LGI4: variants seen among roughly 807,000 people sequenced by gnomAD.
The protein encoded by LGI4 is leucine rich repeat LGI family member 4.
A neutral mutation model predicts 48.3 loss-of-function variants in LGI4; 36 were observed. The observed-to-expected ratio is 0.75, with a 90% CI of 0.57 to 0.98. The LOEUF is 0.98. Ranked by LOEUF, LGI4 falls within the 50% of genes least tolerant of loss-of-function variation. The pLI is 0.00. For synonymous variants in LGI4, 355 were observed against 331.6 expected, an observed-to-expected ratio of 1.07 and a Z score of -0.77; for missense variants, 701 against 732.1, an observed-to-expected ratio of 0.96 and a Z score of 0.49.
chr19:35,127,926 G>T (rs1477910900), intron 6 of LGI4, among the ~76,000 whole-genome samples: 1 of 152,236 alleles, frequency 6.6e-6, no homozygotes, highest in African/African-American at 2.4e-5. Flanking sequence ...GCTAGAGGCT[G>T]CATTATCCCG....
chr19:35,126,846 G>C lies in LGI4; in HGVS notation c.793+7C>G. On this transcript the variant is annotated splice_region_variant and intron_variant, in intron 7 of 8. Transcript: ENST00000310123. Reference sequence around the variant, plus strand: ...TGGACAGGCAGAAGGACGGGGAGGGGGCTCACCGGGCAGCTCTTCCTCGGG... The same window carrying C: ...TGGACAGGCAGAAGGACGGGGAGGGCGCTCACCGGGCAGCTCTTCCTCGGG... 2 of 1,608,478 alleles carry C rather than the reference G, an allele frequency of 1.2e-6. No individual in the cohort carries two copies. The highest frequency in any genetic ancestry group is 2.2e-5 in the East Asian group (1 of 44,768).
At chr19:35,127,666 G>A (rs911644018) in intron 6 of LGI4, among the ~76,000 whole-genome samples, 9 of 152,190 alleles carry the variant, frequency 5.9e-5, no homozygotes, top group African/African-American at 1.9e-4. Flanking sequence ...GATTACAAGC[G>A]TGAGGCACCG....
At position 35,131,566 on chromosome 19, in the gene LGI4, A is replaced by G; in HGVS notation, c.459-11T>C. On this transcript the variant is annotated splice_polypyrimidine_tract_variant and intron_variant, in intron 5 of 8. Coordinates refer to ENST00000310123, the MANE Select transcript of LGI4 (RefSeq NM_139284.3). ...TTCCCGCGGAGGTCCCTGGGGCAAG[A>G]GGCCAGGGAGGGGCTGCGACCCGGC... 1 of 1,547,766 alleles carries G rather than the reference A, an allele frequency of 6.5e-7. No homozygotes were observed. The highest frequency in any genetic ancestry group is 8.7e-7 in the Non-Finnish European group (1 of 1,145,324).
In LGI4 at chr19:35,127,114, A is replaced by G. The variant is rs1347341224; in HGVS notation, c.629-97T>C. 5.6e-6 allele frequency: 7 copies of G among 1,258,134 alleles called. No individual in the cohort carries two copies. In the East Asian group the frequency reaches 7.2e-5, roughly 13 times the overall value. The allele number at this position is 1,258,134 out of a possible 1,614,324, so 77.9% of individuals were successfully genotyped here. On this transcript the variant is annotated intron_variant, in intron 6 of 8. Coordinates refer to ENST00000310123, the MANE Select transcript of LGI4 (RefSeq NM_139284.3). ...TACATCTCTGAAATGGAGGCCATTC[A>G]TGGTACCCCCCTCATAGGGACATAT...
chr19:35,125,021 C>T lies in LGI4; in HGVS notation c.*172G>A, dbSNP rs1030028204. The T allele has an allele frequency of 3.8e-5, 19 of 495,728 alleles. No homozygotes were observed. The highest frequency in any genetic ancestry group is 6.1e-5 in the Non-Finnish European group (18 of 294,480). The allele number at this position is 495,728 out of a possible 1,614,324, so 30.7% of individuals were successfully genotyped here. ...TCCAGTAGGCTGGGACCCTCTATGT[C>T]CCCCCATGGGTGCAGATCCTTTAAG... On this transcript the variant is annotated 3_prime_UTR_variant, in exon 9 of 9. Transcript: ENST00000310123.
intron 6 of LGI4, among the ~76,000 whole-genome samples, chr19:35,130,409 G>C (rs1187955241): frequency 6.6e-6 from 1 of 152,190 alleles, no homozygotes; most frequent in Non-Finnish European, 1.5e-5. Flanking sequence ...CTGTGGCCGG[G>C]TGTGGTGGCA....
rs756378758 is a variant in LGI4 at position 35,126,868 on chromosome 19, C to T, written c.778G>A (p.Glu260Lys). 6.8e-6 allele frequency: 11 copies of T among 1,611,800 alleles called. No individual in the cohort carries two copies. The highest frequency in any genetic ancestry group is 6.6e-5 in the South Asian group (6 of 91,064). ...GGGGGCTCACCGGGCAGCTCTTCCT[C>T]GGGCCGGAAGCGCTGCAGGCTGTAG... ...WDYSLQRFRP[E>K]EELPAASVVS... Residue 260 changes from glutamate to lysine, a missense_variant, in exon 7 of 9, where the codon GAG becomes AAG. Coordinates refer to ENST00000310123, the MANE Select transcript of LGI4 (RefSeq NM_139284.3).
chr19:35,125,026 C>A lies in LGI4; in HGVS notation c.*167G>T. ...TAGGCTGGGACCCTCTATGTCCCCC[C>A]ATGGGTGCAGATCCTTTAAGAAGTG... On this transcript the variant is annotated 3_prime_UTR_variant, in exon 9 of 9. Coordinates refer to ENST00000310123, the MANE Select transcript of LGI4 (RefSeq NM_139284.3). 1 of 515,260 alleles carries A rather than the reference C, an allele frequency of 1.9e-6. No homozygotes were observed. Among genetic ancestry groups the A allele is most frequent in the Non-Finnish European group, 3.2e-6 (1 of 308,672 alleles). 31.9% of individuals were successfully genotyped at this position (515,260 alleles called of 1,614,324 possible). A position where few individuals can be genotyped will look rare whatever the true frequency, so the allele number is the denominator to read the frequency against.
chr19:35,134,805 C>A lies in LGI4; in HGVS notation c.-125G>T. ...GCTGGCACGCTCGGCCCTGGCTTCTCTCTCCTCTTCTCCGTCTTTCTTTCA... is the reference window on the plus strand; with the variant it reads ...GCTGGCACGCTCGGCCCTGGCTTCTATCTCCTCTTCTCCGTCTTTCTTTCA... On this transcript the variant is annotated 5_prime_UTR_variant, in exon 1 of 9. Coordinates refer to ENST00000310123, the MANE Select transcript of LGI4 (RefSeq NM_139284.3). The A allele has an allele frequency of 1.7e-6, 1 of 574,358 alleles. No individual in the cohort carries two copies. The highest frequency in any genetic ancestry group is 3.1e-6 in the Non-Finnish European group (1 of 327,562). 35.6% of individuals were successfully genotyped at this position (574,358 alleles called of 1,614,324 possible).
Position 35,131,959 on chromosome 19 carries a change from G to A in LGI4, c.386+12C>T, listed in dbSNP as rs2065178901. The A allele has an allele frequency of 6.3e-7, 1 of 1,585,246 alleles. No homozygotes were observed. Among genetic ancestry groups the A allele is most frequent in the Non-Finnish European group, 8.6e-7 (1 of 1,165,202 alleles). On this transcript the variant is annotated intron_variant, in intron 4 of 8. Transcript: ENST00000310123. ...GCCTCTCATGGAGGGCTGGGGCGGTGGAGGCACGCACAGGTGTGTAAGCGA... is the reference window on the plus strand; with the variant it reads ...GCCTCTCATGGAGGGCTGGGGCGGTAGAGGCACGCACAGGTGTGTAAGCGA...
chr19:35,125,732 C>G (rs750954513), intron 8 of LGI4: 2 of 694,430 alleles, frequency 2.9e-6, no homozygotes, highest in Non-Finnish European at 5.3e-6. Flanking sequence ...TCAGTTTCAC[C>G]TTCTACAGTT....
Position 35,125,459 on chromosome 19 carries a change from A to T in LGI4, c.1348T>A (p.Ser450Thr). 1 of 1,594,794 alleles carries T rather than the reference A, an allele frequency of 6.3e-7. No individual in the cohort carries two copies. Among genetic ancestry groups the T allele is most frequent in the Non-Finnish European group, 8.6e-7 (1 of 1,169,424 alleles). Residue 450 changes from serine to threonine, a missense_variant, in exon 9 of 9, where the codon TCG (serine) becomes ACG (threonine). Ser to Thr is a moderately conservative substitution (Grantham distance 58). This residue lies in a region of LGI4 where 223 missense variants were observed against 263.3 expected (regional missense o/e 0.85). Transcript: ENST00000310123. The stretch of plus-strand genomic sequence containing the variant: ...GGCTGGAAGACGTGGGCACCGCGCG[A>T]GGGAAGTTGCTGCAGCAGACGAAAC... ...SMFRLLQQLP[S>T]RGAHVFQPLL...
At chr19:35,134,485 G>A (rs759050473) in intron 1 of LGI4, 26 bp downstream of exon 1, 8 of 1,563,616 alleles carry the variant, frequency 5.1e-6, no homozygotes, top group East Asian at 2.3e-5. Context: ...CCCCACCTTC[G>A]GGCATGCAGA....
At chr19:35,127,738 C>A (rs1004678187) in intron 6 of LGI4, among the ~76,000 whole-genome samples, 9 of 152,188 alleles carry the variant, frequency 5.9e-5, no homozygotes, top group African/African-American at 2.2e-4. Flanking sequence ...CCCTTAGAAA[C>A]AGCATCTGGA....
At chr19:35,127,705 GCT>G (rs2065149724) in intron 6 of LGI4, among the ~76,000 whole-genome samples, 1 of 152,146 alleles carries the variant, frequency 6.6e-6, no homozygotes, top group African/African-American at 2.4e-5. Flanking sequence ...TATTTTCTAA[GCT>G]GTGTGGCATC....
Position 35,125,524 on chromosome 19 carries a change from A to C in LGI4, c.1300-17T>G. On this transcript the variant is annotated splice_polypyrimidine_tract_variant and intron_variant, in intron 8 of 8. Coordinates refer to ENST00000310123, the MANE Select transcript of LGI4 (RefSeq NM_139284.3). Reference sequence around the variant, plus strand: ...GCGCATGACCTGTGGGGGTGTGGCCAGTGAGGGCCTGGGGTCCCGGGGGTC... The same window carrying C: ...GCGCATGACCTGTGGGGGTGTGGCCCGTGAGGGCCTGGGGTCCCGGGGGTC... The C allele has an allele frequency of 6.6e-7, 1 of 1,518,966 alleles. No individual in the cohort carries two copies. The allele number at this position is 1,518,966 out of a possible 1,614,324, so 94.1% of individuals were successfully genotyped here.
intron 5 of LGI4, 97 bp from the exon 6 acceptor site, chr19:35,131,652 G>T: frequency 2.0e-6 from 3 of 1,472,008 alleles, no homozygotes; most frequent in Non-Finnish European, 2.8e-6. Context: ...CAGAGATGGG[G>T]CCCCATAGTG....
intron 8 of LGI4, chr19:35,125,963 C>CG: frequency 1.8e-6 from 1 of 545,654 alleles, no homozygotes; most frequent in East Asian, 3.4e-5. Flanking sequence ...TTAACCCTAG[C>CG]ATCAGCCTTG....
Position 35,126,787 on chromosome 19 carries a change from TG to T in LGI4, c.794-13del. On this transcript the variant is annotated splice_polypyrimidine_tract_variant and intron_variant, in intron 7 of 8. Transcript: ENST00000310123. ...CACCACGGAGGCCGCTGTGGGGAGG[TG>T]GGGAGGCAGGTCAGGCCAGCCAGGC... is the stretch of plus-strand genomic sequence containing the variant. The T allele has an allele frequency of 6.4e-7, 1 of 1,557,554 alleles. No individual in the cohort carries two copies. The highest frequency in any genetic ancestry group is 8.6e-7 in the Non-Finnish European group (1 of 1,158,232).
Sources: gnomAD v4.1 joint callset for allele counts (sites outside exome capture counted in the v4.1 genomes callset) on GRCh38, gnomAD v4.1.1 for gene constraint, gnomAD v4.1.1 regional missense constraint, MANE v1.5 for transcripts, NCBI Gene and HGNC (gene_info 2026-07-23, HGNC 2026-07-21) for gene names.